NEDD1: variants seen among roughly 807,000 people sequenced by gnomAD.
NEDD1 encodes the protein NEDD1 gamma-tubulin ring complex targeting factor.
Under a neutral mutation model 74.0 loss-of-function variants are expected in NEDD1, and 33 were observed. That is an observed-to-expected ratio of 0.45 (90% CI 0.34 to 0.60). The LOEUF is 0.60. Ranked by LOEUF, NEDD1 falls within the 20% of genes least tolerant of loss-of-function variation. The pLI is 0.01. For synonymous variants in NEDD1, 250 were observed against 264.4 expected, an observed-to-expected ratio of 0.95 and a Z score of 0.53; for missense variants, 746 against 776.5, an observed-to-expected ratio of 0.96 and a Z score of 0.47.
At position 96,943,573 on chromosome 12, in the gene NEDD1, A is replaced by C; in HGVS notation, c.1308A>C (p.Leu436=). ...SIGKGDGFDF[L]PQLNSVFPPR... ...TCCCTTTTCCAGGCTTTGACTTTCT[A>C]CCGCAGTTGAACTCAGTGTTTCCTC... is the stretch of plus-strand genomic sequence containing the variant. Residue 436 remains leucine (L), a synonymous_variant, in exon 12 of 16, where the codon CTA becomes CTC. Coordinates refer to ENST00000266742, the MANE Select transcript of NEDD1 (RefSeq NM_152905.4). 1 of 1,612,582 alleles carries C rather than the reference A, an allele frequency of 6.2e-7. No homozygotes were observed. The highest frequency in any genetic ancestry group is 1.1e-5 in the South Asian group (1 of 90,980).
chr12:96,919,950 G>A, intron 5 of NEDD1, 35 bp from the exon 6 acceptor site: 2 of 1,515,044 alleles, frequency 1.3e-6, no homozygotes, highest in Non-Finnish European at 1.8e-6. Flanking sequence ...CGAGGATTAT[G>A]GGGCAGTGTA....
chr12:96,914,475 G>C (rs1874240671), intron 4 of NEDD1, among the ~76,000 whole-genome samples: 1 of 152,064 alleles, frequency 6.6e-6, no homozygotes, highest in Non-Finnish European at 1.5e-5. Flanking sequence ...ATAAAAGTAA[G>C]ATTAGTTGAG....
chr12:96,912,922 A>T, intron 4 of NEDD1, 105 bp downstream of exon 4: 1 of 601,674 alleles, frequency 1.7e-6, no homozygotes. Flanking sequence ...TTTTAAAAGC[A>T]TTATTTTTAA....
intron 6 of NEDD1, among the ~76,000 whole-genome samples, chr12:96,930,186 C>T (rs1490742404): frequency 3.6e-5 from 5 of 137,384 alleles, no homozygotes; most frequent in Non-Finnish European, 7.7e-5. Context: ...CACACACACA[C>T]ACACACACAC....
Position 96,951,937 on chromosome 12 carries a change from C to T in NEDD1, c.1879-12C>T, listed in dbSNP as rs1368919621. The T allele has an allele frequency of 7.2e-7, 1 of 1,381,952 alleles. No individual in the cohort carries two copies. The highest frequency in any genetic ancestry group is 1.0e-6 in the Non-Finnish European group (1 of 974,374). 85.6% of individuals were successfully genotyped at this position (1,381,952 alleles called of 1,614,324 possible). On this transcript the variant is annotated splice_polypyrimidine_tract_variant and intron_variant, in intron 15 of 15. Transcript: ENST00000266742. ...TATCAATAATTTAAAAAGCATTTTC[C>T]TGTTTTTCTAGAATGAAATGCATTC... is the stretch of plus-strand genomic sequence containing the variant.
At chr12:96,909,927 C>CAG in intron 3 of NEDD1, 32 bp downstream of exon 3, 1 of 1,585,738 alleles carries the variant, frequency 6.3e-7, no homozygotes, top group South Asian at 1.2e-5. Context: ...CACACACACA[C>CAG]ACACACAAAC....
intron 6 of NEDD1, among the ~76,000 whole-genome samples, chr12:96,929,719 G>A (rs1876169809): frequency 6.6e-6 from 1 of 151,382 alleles, no homozygotes; most frequent in East Asian, 1.9e-4. Flanking sequence ...TCCTGTTCAG[G>A]TTTGCTTCCA....
chr12:96,952,209 C>G lies in NEDD1; in HGVS notation c.*156C>G. On this transcript the variant is annotated 3_prime_UTR_variant, in exon 16 of 16. Transcript: ENST00000266742. ...GATTTTATACCAACAACTGTTTCAT[C>G]TTAAAAATATGTATATTTTTATATT... The G allele has an allele frequency of 1.9e-6, 1 of 520,588 alleles. No homozygotes were observed. The highest frequency in any genetic ancestry group is 3.4e-6 in the Non-Finnish European group (1 of 296,512). 32.2% of individuals were successfully genotyped at this position (520,588 alleles called of 1,614,324 possible). A position where few individuals can be genotyped will look rare whatever the true frequency, so the allele number is the denominator to read the frequency against.
At chr12:96,915,047 C>T (rs1347700451) in intron 4 of NEDD1, among the ~76,000 whole-genome samples, 2 of 152,198 alleles carry the variant, frequency 1.3e-5, no homozygotes, top group Non-Finnish European at 2.9e-5. Context: ...TTTGCAGTGA[C>T]AACCAGATTC....
At chr12:96,950,050 G>T (rs1440657776) in intron 14 of NEDD1, among the ~76,000 whole-genome samples, 1 of 151,908 alleles carries the variant, frequency 6.6e-6, no homozygotes, top group Non-Finnish European at 1.5e-5. Flanking sequence ...AGAGTGAAGG[G>T]ATAAGAAGAT....
At chr12:96,932,865 A>C (rs1474970440) in intron 6 of NEDD1, among the ~76,000 whole-genome samples, 1 of 151,984 alleles carries the variant, frequency 6.6e-6, no homozygotes, top group African/African-American at 2.4e-5. Flanking sequence ...GGAAAACAAG[A>C]GTGTTTTCTA....
At chr12:96,932,442 T>TACAAAAAAAAAAAA (rs1876580808) in intron 6 of NEDD1, among the ~76,000 whole-genome samples, 3 of 10,656 alleles carry the variant, frequency 2.8e-4, no homozygotes, top group Admixed American at 2.1e-3. Flanking sequence ...TCCTGTCTCT[T>TACAAAAAAAAAAAA]AAAAAAAAAA....
intron 5 of NEDD1, 117 bp downstream of exon 5, chr12:96,917,854 C>G (rs777715313): frequency 1.5e-5 from 18 of 1,221,090 alleles, no homozygotes; most frequent in Non-Finnish European, 1.7e-5. Flanking sequence ...CAGAATTGAA[C>G]TAAGATTTGT....
At chr12:96,950,094 G>T (rs889096189) in intron 14 of NEDD1, among the ~76,000 whole-genome samples, 1 of 151,914 alleles carries the variant, frequency 6.6e-6, no homozygotes, top group Non-Finnish European at 1.5e-5. Flanking sequence ...CAAAGGATCA[G>T]ATTATGTAAA....
intron 6 of NEDD1, among the ~76,000 whole-genome samples, chr12:96,932,597 T>C (rs1186155967): frequency 6.8e-6 from 1 of 147,116 alleles, no homozygotes; most frequent in Non-Finnish European, 1.5e-5. Flanking sequence ...CTTAATGATA[T>C]TCTAAAGAGA....
intron 4 of NEDD1, among the ~76,000 whole-genome samples, chr12:96,914,191 C>A (rs887929832): frequency 6.6e-6 from 1 of 152,174 alleles, no homozygotes; most frequent in African/African-American, 2.4e-5. Context: ...ATCTTTGGAT[C>A]TTTGTATCCT....
chr12:96,925,640 C>G (rs1435475405), intron 6 of NEDD1, among the ~76,000 whole-genome samples: 1 of 152,180 alleles, frequency 6.6e-6, no homozygotes, highest in Non-Finnish European at 1.5e-5. Context: ...CAACATGTAC[C>G]TATACCTCTT....
At chr12:96,913,674 T>C (rs1416582012) in intron 4 of NEDD1, among the ~76,000 whole-genome samples, 1 of 152,146 alleles carries the variant, frequency 6.6e-6, no homozygotes, top group East Asian at 1.9e-4. Flanking sequence ...ACCCAGCCTA[T>C]CCTTTTGTTT....
In NEDD1 at chr12:96,952,083, A is replaced by C; in HGVS notation, c.*30A>C. ...TCAGTGAATACCTTAATGTTCTGTA[A>C]TTTGGGAAGTTTCTGGCAACACAGA... On this transcript the variant is annotated 3_prime_UTR_variant, in exon 16 of 16. Transcript: ENST00000266742. 1 of 1,230,050 alleles carries C rather than the reference A, an allele frequency of 8.1e-7. No homozygotes were observed. Among genetic ancestry groups the C allele is most frequent in the Non-Finnish European group, 1.2e-6 (1 of 836,170 alleles). The allele number at this position is 1,230,050 out of a possible 1,614,324, so 76.2% of individuals were successfully genotyped here.
Sources: allele counts gnomAD v4.1 joint callset (sites outside exome capture counted in the v4.1 genomes callset), GRCh38; gene constraint gnomAD v4.1.1; transcripts MANE v1.5; gene names NCBI Gene and HGNC (gene_info 2026-07-23, HGNC 2026-07-21).